Variants in PRKG1 observed in about 807,000 individuals in gnomAD.
PRKG1 encodes protein kinase cGMP-dependent 1, also known as cGMP-dependent protein kinase 1.
PRKG1 carries 35 observed loss-of-function variants against 88.1 expected under a neutral mutation model. The ratio of observed to expected loss-of-function variants is 0.40; its 90% CI spans 0.30 to 0.53. The LOEUF (loss-of-function observed/expected upper bound fraction) is 0.53, where lower values mean the gene tolerates loss of function less well. Ranked by LOEUF, PRKG1 falls within the 20% of genes least tolerant of loss-of-function variation. The pLI is 0.59. For missense variants in PRKG1, 540 were observed against 839.8 expected, an observed-to-expected ratio of 0.64 and a Z score of 4.41; for synonymous variants, 303 against 292.5, an observed-to-expected ratio of 1.04 and a Z score of -0.37.
chr10:51,163,773 C>T (rs920675749), intron 2 of PRKG1, among the ~76,000 whole-genome samples: 1 of 152,212 alleles, frequency 6.6e-6, no homozygotes, highest in Non-Finnish European at 1.5e-5. Flanking sequence ...GGTCCTACGC[C>T]CACGGAGTCT....
intron 2 of PRKG1, among the ~76,000 whole-genome samples, chr10:51,441,103 C>T (rs759681097): frequency 6.6e-6 from 1 of 151,934 alleles, no homozygotes; most frequent in Non-Finnish European, 1.5e-5. Context: ...CTCTCAACCT[C>T]TGTAAGTGCA....
At chr10:51,760,462 T>C (rs1027166807) in intron 3 of PRKG1, among the ~76,000 whole-genome samples, 1 of 145,156 alleles carries the variant, frequency 6.9e-6, no homozygotes, top group African/African-American at 2.5e-5. Context: ...AGTCTATTGC[T>C]TGACTTTTCG....
intron 2 of PRKG1, among the ~76,000 whole-genome samples, chr10:51,297,204 G>A (rs1203020637): frequency 6.6e-6 from 1 of 152,038 alleles, no homozygotes. Flanking sequence ...GGCATGTTGT[G>A]GGGAGGGTAG....
intron 2 of PRKG1, among the ~76,000 whole-genome samples, chr10:51,383,028 C>G (rs1837149431): frequency 6.6e-6 from 1 of 152,040 alleles, no homozygotes; most frequent in Admixed American, 6.6e-5. Context: ...GTTCCTTGAC[C>G]AATTCACTAG....
intron 2 of PRKG1, among the ~76,000 whole-genome samples, chr10:51,157,235 T>C (rs1461693344): frequency 6.6e-6 from 1 of 151,822 alleles, no homozygotes; most frequent in Admixed American, 6.6e-5. Context: ...GCAAAATGAG[T>C]TGTGTTGCTT....
At chr10:51,114,344 GT>G (rs1401329695) in intron 1 of PRKG1, among the ~76,000 whole-genome samples, 1 of 151,888 alleles carries the variant, frequency 6.6e-6, no homozygotes, top group Non-Finnish European at 1.5e-5. Flanking sequence ...GTTTTGTTTT[GT>G]TTTGGTGATA....
chr10:52,004,654 G>A (rs953495887), intron 5 of PRKG1, among the ~76,000 whole-genome samples: 9 of 152,186 alleles, frequency 5.9e-5, no homozygotes, highest in African/African-American at 2.2e-4. Context: ...CTCAAGGAGA[G>A]GAGATTAGTG....
intron 2 of PRKG1, among the ~76,000 whole-genome samples, chr10:51,202,870 G>A (rs1554846050): frequency 1.3e-5 from 2 of 152,210 alleles, no homozygotes; most frequent in Admixed American, 6.5e-5. Flanking sequence ...AAGCCATTGA[G>A]TATTTTTTGA....
chr10:51,165,048 C>T (rs1006321782), intron 2 of PRKG1, among the ~76,000 whole-genome samples: 24 of 152,022 alleles, frequency 1.6e-4, no homozygotes, highest in African/African-American at 2.4e-4. Flanking sequence ...ATACAGAGAA[C>T]GCCACAAAGA....
chr10:51,581,566 T>C (rs1258326890), intron 3 of PRKG1, among the ~76,000 whole-genome samples: 1 of 152,154 alleles, frequency 6.6e-6, no homozygotes, highest in Admixed American at 6.6e-5. Flanking sequence ...GATAGGAATC[T>C]TGGTGATGTG....
intron 2 of PRKG1, among the ~76,000 whole-genome samples, chr10:51,435,755 C>T (rs975268068): frequency 6.6e-6 from 1 of 151,834 alleles, no homozygotes; most frequent in African/African-American, 2.4e-5. Flanking sequence ...AATGGGAATT[C>T]CAGGCACATC....
chr10:51,306,292 TG>T (rs1163713799), intron 2 of PRKG1, among the ~76,000 whole-genome samples: 1 of 152,200 alleles, frequency 6.6e-6, no homozygotes. Flanking sequence ...TTTGAAATTT[TG>T]GTTTCACAGG....
chr10:51,012,580 A>T (rs150793275), intron 1 of PRKG1, among the ~76,000 whole-genome samples: 1 of 152,200 alleles, frequency 6.6e-6, no homozygotes, highest in Non-Finnish European at 1.5e-5. Flanking sequence ...CACGCATTTT[A>T]AAACATATTT....
At chr10:52,040,604 C>T (rs1253826866) in intron 5 of PRKG1, among the ~76,000 whole-genome samples, 2 of 152,068 alleles carry the variant, frequency 1.3e-5, no homozygotes, top group Non-Finnish European at 2.9e-5. Context: ...ATATTTGCAT[C>T]AGAAATCTCT....
chr10:51,448,068 C>G (rs185030390), intron 2 of PRKG1, among the ~76,000 whole-genome samples: 1 of 151,992 alleles, frequency 6.6e-6, no homozygotes, highest in Admixed American at 6.6e-5. Context: ...CATCTCCACA[C>G]ACACACATAC....
chr10:51,709,395 T>A (rs750345429), intron 3 of PRKG1, among the ~76,000 whole-genome samples: 2 of 152,224 alleles, frequency 1.3e-5, no homozygotes, highest in African/African-American at 2.4e-5. Context: ...ATCACTATCA[T>A]CTGACATTTA....
At chr10:51,524,840 AC>A (rs1841835587) in intron 3 of PRKG1, among the ~76,000 whole-genome samples, 1 of 152,246 alleles carries the variant, frequency 6.6e-6, no homozygotes, top group Admixed American at 6.5e-5. Flanking sequence ...CTTTTTTGGT[AC>A]GAAGGCTCAC....
At chr10:51,311,077 G>A (rs757801801) in intron 2 of PRKG1, among the ~76,000 whole-genome samples, 41 of 152,216 alleles carry the variant, frequency 2.7e-4, no homozygotes, top group Non-Finnish European at 4.1e-4. Context: ...AGGGAATGAG[G>A]AGTGTGTACA....
At chr10:52,098,939 C>T (rs1458245170) in intron 7 of PRKG1, among the ~76,000 whole-genome samples, 1 of 152,144 alleles carries the variant, frequency 6.6e-6, no homozygotes, top group African/African-American at 2.4e-5. Flanking sequence ...AAATGTAAAG[C>T]TGTATGAGCA....
Sources: gnomAD v4.1 joint callset for allele counts (sites outside exome capture counted in the v4.1 genomes callset) on GRCh38, gnomAD v4.1.1 for gene constraint, MANE v1.5 for transcripts, NCBI Gene and HGNC (gene_info 2026-07-23, HGNC 2026-07-21) for gene names.